ADCY8: variants seen among roughly 807,000 people sequenced by gnomAD.
ADCY8 encodes adenylate cyclase 8, also known as adenylate cyclase type 8.
ADCY8 carries 51 observed loss-of-function variants against 119.7 expected under a neutral mutation model. The ratio of observed to expected loss-of-function variants is 0.43; its 90% confidence interval spans 0.34 to 0.54. ADCY8 has a LOEUF of 0.54. ADCY8 is among the 20% of genes least tolerant of loss of function. ADCY8 has a pLI of 0.03. For missense variants in ADCY8, 1,383 were observed against 1,598.8 expected (o/e 0.87, Z 2.30); for synonymous variants, 665 against 651.0 (o/e 1.02, Z -0.33).
At chr8:130,789,026 G>GGGA (rs1158840462) in intron 15 of ADCY8, among the ~76,000 whole-genome samples, 1 of 152,140 alleles carries the variant, frequency 6.6e-6, no homozygotes, top group African/African-American at 2.4e-5. Flanking sequence ...TGAGGGGACG[G>GGGA]GGAGGAGCAG....
intron 8 of ADCY8, among the ~76,000 whole-genome samples, chr8:130,881,580 C>T (rs534855855): frequency 2.3e-4 from 35 of 151,978 alleles, no homozygotes; most frequent in African/African-American, 8.2e-4. Context: ...AGACTTGTTC[C>T]CAAGAAGAAA....
rs145978848 is a variant in ADCY8, at chr8:130,955,167, C to T, written c.1111-3169G>A. On this transcript the variant is annotated intron_variant, in intron 2 of 17. Coordinates refer to ENST00000286355, the MANE Select transcript of ADCY8 (RefSeq NM_001115.3). Reference sequence around the variant, plus strand: ...GCTCCTGGAATGGCATGGAAAGATACGCATTCTTACTTCAGAGCTACCATC... The same window carrying T: ...GCTCCTGGAATGGCATGGAAAGATATGCATTCTTACTTCAGAGCTACCATC... Among the ~76,000 whole-genome samples the T allele has an allele frequency of 7.2e-3, 1,097 of 152,184 alleles. 18 individuals carry two copies. Among genetic ancestry groups the T allele is most frequent in the African/African-American group, 0.024 (1,014 of 41,518 alleles).
chr8:130,792,095 A>G (rs1022532608), intron 15 of ADCY8, among the ~76,000 whole-genome samples: 1 of 152,152 alleles, frequency 6.6e-6, no homozygotes. Context: ...GAGGCCCTCC[A>G]TGTCCCATGC....
At position 130,851,972 on chromosome 8, in the gene ADCY8, G is replaced by A. The variant is rs564045755; in HGVS notation, c.2211-2169C>T. 9.2e-5 allele frequency among the ~76,000 whole-genome samples: 14 copies of A among 152,254 alleles called. No homozygotes were observed. The South Asian group carries it at 1.5e-3, about 16-fold the overall frequency. ...TAGGTGGTGATTGAGATCAAGGAAT[G>A]GAAGCATTTGCCCAAGGATAGTGTG... On this transcript the variant is annotated intron_variant, in intron 9 of 17. Coordinates refer to ENST00000286355, the MANE Select transcript of ADCY8 (RefSeq NM_001115.3).
intron 5 of ADCY8, among the ~76,000 whole-genome samples, chr8:130,917,399 G>A (rs2130571276): frequency 6.6e-6 from 1 of 152,290 alleles, no homozygotes; most frequent in Middle Eastern, 3.4e-3. Flanking sequence ...CGGGTGTTAG[G>A]TAATGCCAGA....
intron 9 of ADCY8, among the ~76,000 whole-genome samples, chr8:130,867,258 C>G (rs561565229): frequency 6.6e-6 from 1 of 152,264 alleles, no homozygotes; most frequent in East Asian, 1.9e-4. Context: ...TAGAGCTAGT[C>G]TTCCTGGGTT....
intron 1 of ADCY8, among the ~76,000 whole-genome samples, chr8:130,994,013 T>C (rs1252215732): frequency 1.3e-5 from 2 of 152,236 alleles, no homozygotes; most frequent in Non-Finnish European, 1.5e-5. Flanking sequence ...TTGTTTAAAA[T>C]GTCCACTGAA....
At chr8:130,804,683 A>G (rs1815887839) in intron 14 of ADCY8, among the ~76,000 whole-genome samples, 2 of 152,184 alleles carry the variant, frequency 1.3e-5, no homozygotes, top group Admixed American at 6.5e-5. Flanking sequence ...GCAGGCAGCC[A>G]GGGGTGTCTT....
chr8:130,808,520 A>G (rs973156090), intron 14 of ADCY8, among the ~76,000 whole-genome samples: 3 of 152,216 alleles, frequency 2.0e-5, no homozygotes, highest in African/African-American at 7.2e-5. Context: ...TTGTAGCACA[A>G]CAAGGGGCAT....
chr8:131,014,809 C>G (rs182540558), intron 1 of ADCY8, among the ~76,000 whole-genome samples: 3 of 152,258 alleles, frequency 2.0e-5, no homozygotes, highest in South Asian at 2.1e-4. Context: ...TACATAGACC[C>G]CTTGGCATAT....
intron 6 of ADCY8, 89 bp from the exon 7 acceptor site, chr8:130,904,131 G>A: frequency 1.7e-6 from 2 of 1,168,262 alleles, no homozygotes; most frequent in Non-Finnish European, 2.4e-6. Flanking sequence ...CAACACCAGG[G>A]TTACACAAGG....
At chr8:130,993,742 G>A (rs1330136547) in intron 1 of ADCY8, among the ~76,000 whole-genome samples, 2 of 152,268 alleles carry the variant, frequency 1.3e-5, no homozygotes, top group African/African-American at 2.4e-5. Context: ...CCCCAGCCAC[G>A]TGGAACTCTG....
intron 9 of ADCY8, among the ~76,000 whole-genome samples, chr8:130,866,061 A>T (rs1818109536): frequency 6.6e-6 from 1 of 152,070 alleles, no homozygotes; most frequent in African/African-American, 2.4e-5. Flanking sequence ...ACAGGTACTG[A>T]TATCACACAG....
chr8:130,786,988 T>C (rs539090811), intron 15 of ADCY8, among the ~76,000 whole-genome samples: 1 of 151,972 alleles, frequency 6.6e-6, no homozygotes, highest in East Asian at 1.9e-4. Context: ...TTGGGGAGAA[T>C]GTACAGGAGG....
chr8:130,848,087 C>G (rs537586864), intron 10 of ADCY8, among the ~76,000 whole-genome samples: 1 of 152,312 alleles, frequency 6.6e-6, no homozygotes, highest in Non-Finnish European at 1.5e-5. Context: ...GATGTAGCTG[C>G]TATTTTTAAT....
At chr8:130,907,575 G>A (rs1819829177) in intron 6 of ADCY8, among the ~76,000 whole-genome samples, 1 of 152,120 alleles carries the variant, frequency 6.6e-6, no homozygotes, top group Non-Finnish European at 1.5e-5. Flanking sequence ...GAAGAAACTG[G>A]GAAGGGCATG....
Position 130,958,120 on chromosome 8 carries a change from CAT to C in ADCY8, c.1111-6124_1111-6123del, listed in dbSNP as rs550655299. 7.2e-3 allele frequency among the ~76,000 whole-genome samples: 1,090 copies of C among 152,262 alleles called. 18 individuals are homozygous for C. The highest frequency in any genetic ancestry group is 0.024 in the African/African-American group (1,010 of 41,562). On this transcript the variant is annotated intron_variant, in intron 2 of 17. Transcript: ENST00000286355. ...TCTCCTGGATGTCTTTGGGTTACGA[CAT>C]GTGGGAAAAGTGATGCTTAGTGAGC...
At chr8:131,028,930 A>G (rs913275947) in intron 1 of ADCY8, among the ~76,000 whole-genome samples, 3 of 152,186 alleles carry the variant, frequency 2.0e-5, no homozygotes, top group Non-Finnish European at 4.4e-5. Flanking sequence ...AGAAGGGGGC[A>G]CCACTGAGAC....
intron 7 of ADCY8, among the ~76,000 whole-genome samples, chr8:130,885,593 C>G (rs1351584424): frequency 3.7e-4 from 56 of 151,920 alleles, no homozygotes; most frequent in Non-Finnish European, 7.4e-5. Flanking sequence ...ATAAGATTAA[C>G]TGGCTGTATC....
Sources: allele counts gnomAD v4.1 joint callset (sites outside exome capture counted in the v4.1 genomes callset), GRCh38; gene constraint gnomAD v4.1.1; transcripts MANE v1.5; gene names NCBI Gene and HGNC (gene_info 2026-07-23, HGNC 2026-07-21).